Variants in NTNG2 observed in about 807,000 individuals in gnomAD.
NTNG2 encodes the protein netrin G2.
In NTNG2, 15 loss-of-function variants were observed where a neutral mutation model predicts 47.6. That is an observed-to-expected ratio of 0.32 (90% CI 0.21 to 0.49). The LOEUF (loss-of-function observed/expected upper bound fraction) is 0.49. Among genes scored for constraint, NTNG2 ranks in the 20% least tolerant of loss-of-function variants. The probability of loss-of-function intolerance (pLI) is 0.99; values close to 1 mark genes in which losing one functional copy is unlikely to be tolerated. For missense variants in NTNG2, 578 were observed against 764.6 expected (o/e 0.76, Z 2.88); for synonymous variants, 307 against 324.6 (o/e 0.95, Z 0.58).
intron 3 of NTNG2, among the ~76,000 whole-genome samples, chr9:132,200,629 G>A (rs549354444): frequency 3.2e-4 from 48 of 152,268 alleles, no homozygotes; most frequent in Admixed American, 2.0e-3. Context: ...GCTTGTATTT[G>A]CATTTTGTTT....
intron 3 of NTNG2, among the ~76,000 whole-genome samples, chr9:132,212,693 A>T (rs1214040824): frequency 6.6e-6 from 1 of 152,096 alleles, no homozygotes; most frequent in Non-Finnish European, 1.5e-5. Flanking sequence ...GTTCTCCAGC[A>T]TCCAACAGCC....
intron 3 of NTNG2, among the ~76,000 whole-genome samples, chr9:132,217,680 C>T (rs528981802): frequency 6.6e-6 from 1 of 152,272 alleles, no homozygotes; most frequent in East Asian, 1.9e-4. Context: ...TTGTCTCATG[C>T]AAGAGCTTTA....
In NTNG2 at chr9:132,162,569, AGTGTGTGTGTGTGTGTGTGT is replaced by A. The variant is rs769570116; in HGVS notation, c.-484+359_-484+378del. On this transcript the variant is annotated intron_variant, in intron 1 of 7. Coordinates refer to ENST00000393229, the MANE Select transcript of NTNG2 (RefSeq NM_032536.4). This position sits in a 1 kb window ranked among gnomAD's most constrained non-coding sequence, Gnocchi z 4.6. The stretch of plus-strand genomic sequence containing the variant: ...GTGTGTGTGTGTGAGAGAGAGACAG[AGTGTGTGTGTGTGTGTGTGT>A]GTGTGTGTGTGTGTGTGTGTGTGTG... Among the ~76,000 whole-genome samples the A allele has an allele frequency of 5.1e-3, 577 of 112,468 alleles. 7 individuals are homozygous for A. Among genetic ancestry groups the A allele is most frequent in the African/African-American group, 0.019 (541 of 28,316 alleles). 73.8% of individuals were successfully genotyped at this position (112,468 alleles called of 152,430 possible).
chr9:132,169,380 G>A (rs1835728058), intron 2 of NTNG2, among the ~76,000 whole-genome samples: 1 of 152,216 alleles, frequency 6.6e-6, no homozygotes, highest in East Asian at 1.9e-4. Flanking sequence ...CTGGCTTTTG[G>A]AGGGGTGGTT....
At chr9:132,209,471 G>T (rs1280233682) in intron 3 of NTNG2, among the ~76,000 whole-genome samples, 1 of 152,236 alleles carries the variant, frequency 6.6e-6, no homozygotes, top group Non-Finnish European at 1.5e-5. Context: ...AGCCGGGCGG[G>T]CTGCAGCCCT....
At chr9:132,227,302 C>T (rs1285334743) in intron 4 of NTNG2, among the ~76,000 whole-genome samples, 1 of 152,266 alleles carries the variant, frequency 6.6e-6, no homozygotes, top group East Asian at 1.9e-4. Context: ...GGTCTCATAA[C>T]AAGTCCCTCT....
intron 2 of NTNG2, among the ~76,000 whole-genome samples, chr9:132,191,452 A>C (rs192691614): frequency 1.4e-4 from 21 of 152,356 alleles, no homozygotes; most frequent in Admixed American, 6.5e-4. Context: ...CAGAGAAGTC[A>C]AGTGACTTTG....
At chr9:132,173,658 GGACA>G (rs1408743413) in intron 2 of NTNG2, among the ~76,000 whole-genome samples, 2 of 152,118 alleles carry the variant, frequency 1.3e-5, no homozygotes, top group East Asian at 3.8e-4. Flanking sequence ...ACAGACGAAC[GGACA>G]GACAGGCAGG....
At chr9:132,175,986 C>T (rs545950930) in intron 2 of NTNG2, among the ~76,000 whole-genome samples, 6 of 152,148 alleles carry the variant, frequency 3.9e-5, no homozygotes, top group Non-Finnish European at 8.8e-5. Flanking sequence ...TAGCAATAAT[C>T]ATTTTAAAAA....
At chr9:132,234,087 G>A (rs1245646965) in intron 5 of NTNG2, among the ~76,000 whole-genome samples, 1 of 151,112 alleles carries the variant, frequency 6.6e-6, no homozygotes, top group Non-Finnish European at 1.5e-5. Context: ...GAGTGCAATG[G>A]AGCAATCTCA....
chr9:132,175,460 A>G (rs998744229), intron 2 of NTNG2, among the ~76,000 whole-genome samples: 5 of 152,110 alleles, frequency 3.3e-5, no homozygotes, highest in Admixed American at 3.3e-4. Flanking sequence ...GTGGTTGCTG[A>G]GCCATGGCCC....
chr9:132,189,416 AAAG>A (rs1412669954), intron 2 of NTNG2, among the ~76,000 whole-genome samples: 9 of 133,278 alleles, frequency 6.8e-5, no homozygotes, highest in African/African-American at 2.3e-4. Flanking sequence ...GGCTTAAAAA[AAAG>A]GTATCATCTC....
In NTNG2 at chr9:132,191,251, C is replaced by T. The variant is rs750211624; in HGVS notation, c.214-6715C>T. On this transcript the variant is annotated intron_variant, in intron 2 of 7. Coordinates refer to ENST00000393229, the MANE Select transcript of NTNG2 (RefSeq NM_032536.4). Reference sequence around the variant, plus strand: ...CACGCCATGAAGTTCCAGGGTTTCTCATGCACAAGCCTGGTGGTCTCAGCC... The same window carrying T: ...CACGCCATGAAGTTCCAGGGTTTCTTATGCACAAGCCTGGTGGTCTCAGCC... Among the ~76,000 whole-genome samples, 9 of 152,284 alleles carry T rather than the reference C, an allele frequency of 5.9e-5. 1 individual carries two copies. In the South Asian group the frequency reaches 1.5e-3, roughly 25 times the overall value.
rs1003184103 is a variant in NTNG2, at chr9:132,218,241, C to G, written c.858-8608C>G. ...TGAATCGAGCTGCTTGGATTCAAGT[C>G]CTGCGTCTGCCCCTTACCAGCTGTG... On this transcript the variant is annotated intron_variant, in intron 3 of 7. Coordinates refer to ENST00000393229, the MANE Select transcript of NTNG2 (RefSeq NM_032536.4). This position sits in a 1 kb window ranked among gnomAD's most constrained non-coding sequence, Gnocchi z 5.4. Among the ~76,000 whole-genome samples the G allele has an allele frequency of 5.3e-5, 8 of 152,198 alleles. No individual in the cohort carries two copies. Among genetic ancestry groups the G allele is most frequent in the African/African-American group, 1.7e-4 (7 of 41,452 alleles).
intron 3 of NTNG2, among the ~76,000 whole-genome samples, chr9:132,211,169 C>G (rs915500017): frequency 5.9e-5 from 9 of 152,186 alleles, no homozygotes; most frequent in African/African-American, 1.9e-4. Flanking sequence ...CATGTTGAGG[C>G]ACCCACTTCA....
At position 132,201,052 on chromosome 9, in the gene NTNG2, T is replaced by A. The variant is rs375737442; in HGVS notation, c.857+2443T>A. Among the ~76,000 whole-genome samples, 13 of 152,180 alleles carry A rather than the reference T, an allele frequency of 8.5e-5. No individual in the cohort carries two copies. The East Asian group carries it at 1.2e-3, about 14-fold the overall frequency. On this transcript the variant is annotated intron_variant, in intron 3 of 7. Coordinates refer to ENST00000393229, the MANE Select transcript of NTNG2 (RefSeq NM_032536.4). ...GACCTTGGACTGCTCAGGGAAACCC[T>A]CATCTTCAGGCAACTGTTCAAGGAC...
chr9:132,205,362 G>A (rs558500515), intron 3 of NTNG2, among the ~76,000 whole-genome samples: 1 of 152,274 alleles, frequency 6.6e-6, no homozygotes, highest in African/African-American at 2.4e-5. Flanking sequence ...AGACACAAAA[G>A]GACAAGTACC....
chr9:132,212,433 T>C (rs1839652428), intron 3 of NTNG2, among the ~76,000 whole-genome samples: 1 of 152,182 alleles, frequency 6.6e-6, no homozygotes, highest in Non-Finnish European at 1.5e-5. Context: ...GTTAAAGCAC[T>C]TAATAGAAAA....
intron 5 of NTNG2, among the ~76,000 whole-genome samples, chr9:132,238,437 C>G (rs150145391): frequency 6.6e-6 from 1 of 152,150 alleles, no homozygotes; most frequent in African/African-American, 2.4e-5. Context: ...AGTCAGAAGC[C>G]GGGCCAGGAC....
Sources: allele counts gnomAD v4.1 joint callset (sites outside exome capture counted in the v4.1 genomes callset), GRCh38; gene constraint gnomAD v4.1.1; non-coding constraint Gnocchi (gnomAD v3.1); transcripts MANE v1.5; gene names NCBI Gene and HGNC (gene_info 2026-07-23, HGNC 2026-07-21).